The following DCC variants were observed in gnomAD, a reference collection of about 807,000 sequenced individuals.
DCC encodes the protein DCC netrin 1 receptor, also known as netrin receptor DCC.
A neutral mutation model predicts 172.5 loss-of-function variants in DCC; 58 were observed. The observed-to-expected ratio is 0.34, with a 90% confidence interval of 0.27 to 0.42. The LOEUF is 0.42. Ranked by LOEUF, DCC falls within the 10% of genes least tolerant of loss-of-function variation. The pLI is 1.00. For synonymous variants in DCC, 709 were observed against 644.5 expected (o/e 1.10, Z -1.52); for missense variants, 1,740 against 1,791.0 (o/e 0.97, Z 0.51).
At chr18:52,345,705 T>C (rs1598850256) in intron 1 of DCC, among the ~76,000 whole-genome samples, 1 of 152,352 alleles carries the variant, frequency 6.6e-6, no homozygotes, top group East Asian at 1.9e-4. Context: ...GCACTGTGTT[T>C]AATATGCTGT....
At chr18:53,054,952 G>T (rs1179604573) in intron 5 of DCC, among the ~76,000 whole-genome samples, 1 of 152,010 alleles carries the variant, frequency 6.6e-6, no homozygotes, top group South Asian at 2.1e-4. Context: ...TATTCTATAG[G>T]TGCAATTGGT....
At chr18:52,931,937 A>C (rs932428613) in intron 5 of DCC, 1 of 152,088 alleles carries the variant, frequency 6.6e-6, no homozygotes, top group Non-Finnish European at 1.5e-5. Flanking sequence ...TGTCTGAATA[A>C]ACTTTTATTT....
chr18:52,453,028 C>T (rs1568177001), intron 1 of DCC, among the ~76,000 whole-genome samples: 1 of 152,218 alleles, frequency 6.6e-6, no homozygotes, highest in Non-Finnish European at 1.5e-5. Context: ...ATGTGCCCAG[C>T]GAATGTGCAT....
chr18:53,248,087 T>C (rs1471089043), intron 12 of DCC, among the ~76,000 whole-genome samples: 1 of 152,034 alleles, frequency 6.6e-6, no homozygotes, highest in Non-Finnish European at 1.5e-5. Context: ...ACTGGATTAA[T>C]AAATGGGTTA....
intron 1 of DCC, among the ~76,000 whole-genome samples, chr18:52,375,351 G>A (rs1985303109): frequency 6.6e-6 from 1 of 152,092 alleles, no homozygotes; most frequent in Non-Finnish European, 1.5e-5. Context: ...TATATGCAAG[G>A]TTAAAAGAAT....
At chr18:53,247,766 A>G (rs966248764) in intron 12 of DCC, among the ~76,000 whole-genome samples, 2 of 151,992 alleles carry the variant, frequency 1.3e-5, no homozygotes, top group East Asian at 1.9e-4. Context: ...CTTGGAAACT[A>G]GTCTATTTGG....
chr18:52,725,203 G>A (rs2036533871), intron 1 of DCC, among the ~76,000 whole-genome samples: 1 of 152,128 alleles, frequency 6.6e-6, no homozygotes, highest in South Asian at 2.1e-4. Flanking sequence ...TCAGGGAAAG[G>A]GCTCCTGACC....
At chr18:53,427,304 C>G (rs1911035925) in intron 21 of DCC, among the ~76,000 whole-genome samples, 1 of 152,010 alleles carries the variant, frequency 6.6e-6, no homozygotes, top group African/African-American at 2.4e-5. Flanking sequence ...TTCAGATATA[C>G]TAGAGGCAAG....
At chr18:52,719,835 A>G (rs1599045767) in intron 1 of DCC, among the ~76,000 whole-genome samples, 1 of 152,054 alleles carries the variant, frequency 6.6e-6, no homozygotes, top group African/African-American at 2.4e-5. Flanking sequence ...AAGGGGCGGG[A>G]TGGAGGTCGC....
intron 1 of DCC, among the ~76,000 whole-genome samples, chr18:52,378,407 G>T (rs1228601711): frequency 6.6e-6 from 1 of 152,006 alleles, no homozygotes; most frequent in Non-Finnish European, 1.5e-5. Context: ...ACGAGCCTTT[G>T]TTTAGCACCT....
intron 5 of DCC, among the ~76,000 whole-genome samples, chr18:53,013,854 GCA>G (rs980462853): frequency 6.6e-6 from 1 of 152,054 alleles, no homozygotes; most frequent in Non-Finnish European, 1.5e-5. Flanking sequence ...AGATTATTGT[GCA>G]CAGTGTCTAC....
intron 27 of DCC, among the ~76,000 whole-genome samples, chr18:53,514,945 T>G (rs1416933976): frequency 3.3e-5 from 5 of 150,976 alleles, no homozygotes; most frequent in African/African-American, 1.2e-4. Context: ...CCTAACTCAT[T>G]TTATGAGGCC....
chr18:52,895,515 T>A (rs1444854639), intron 2 of DCC, among the ~76,000 whole-genome samples: 3 of 152,180 alleles, frequency 2.0e-5, no homozygotes, highest in Non-Finnish European at 2.9e-5. Context: ...TAGGAAAGTT[T>A]CCTTTTGTAT....
chr18:53,227,764 T>C (rs1435128883), intron 12 of DCC, among the ~76,000 whole-genome samples: 4 of 152,194 alleles, frequency 2.6e-5, no homozygotes, highest in Non-Finnish European at 5.9e-5. Flanking sequence ...GAAATTTCAC[T>C]TTCTTTTTTT....
At chr18:52,392,713 T>A (rs1007048835) in intron 1 of DCC, among the ~76,000 whole-genome samples, 1 of 152,092 alleles carries the variant, frequency 6.6e-6, no homozygotes, top group Non-Finnish European at 1.5e-5. Context: ...GGGTGGTACA[T>A]TATTTACTTT....
chr18:53,515,803 T>C (rs1426240654), intron 27 of DCC, among the ~76,000 whole-genome samples: 1 of 151,620 alleles, frequency 6.6e-6, no homozygotes, highest in African/African-American at 2.4e-5. Flanking sequence ...TAAAAGAGGA[T>C]ACAAACAAAT....
At chr18:52,934,721 T>G (rs1035993684) in intron 5 of DCC, 1 of 152,068 alleles carries the variant, frequency 6.6e-6, no homozygotes, top group African/African-American at 2.4e-5. Flanking sequence ...TAAAATTAAA[T>G]GATGTCATAA....
chr18:53,280,551 C>T (rs1194450846), intron 12 of DCC, among the ~76,000 whole-genome samples: 1 of 152,030 alleles, frequency 6.6e-6, no homozygotes, highest in African/African-American at 2.4e-5. Flanking sequence ...TGTTTTCTTT[C>T]TTCCTATGGA....
intron 2 of DCC, among the ~76,000 whole-genome samples, chr18:52,755,542 CAG>C (rs2037064436): frequency 6.6e-6 from 1 of 152,144 alleles, no homozygotes; most frequent in Admixed American, 6.5e-5. Flanking sequence ...TTTGGCAACA[CAG>C]AATACATCAA....
Sources: allele counts gnomAD v4.1 joint callset (sites outside exome capture counted in the v4.1 genomes callset), GRCh38; gene constraint gnomAD v4.1.1; transcripts MANE v1.5; gene names NCBI Gene and HGNC (gene_info 2026-07-23, HGNC 2026-07-21).